PAPSS1: variants seen among roughly 807,000 people sequenced by gnomAD.
PAPSS1 encodes bifunctional 3'-phosphoadenosine 5'-phosphosulfate synthase 1.
Under a neutral mutation model 72.0 loss-of-function variants are expected in PAPSS1, and 50 were observed. The ratio of observed to expected loss-of-function variants is 0.69; its 90% CI spans 0.55 to 0.88. The LOEUF (loss-of-function observed/expected upper bound fraction) is 0.88. Among genes scored for constraint, PAPSS1 ranks in the 40% least tolerant of loss-of-function variants. The pLI is 0.00. For synonymous variants in PAPSS1, 261 were observed against 263.6 expected (o/e 0.99, Z 0.09); for missense variants, 657 against 782.2 (o/e 0.84, Z 1.91).
intron 5 of PAPSS1, among the ~76,000 whole-genome samples, chr4:107,662,234 G>A (rs1165394124): frequency 6.6e-6 from 1 of 152,170 alleles, no homozygotes. Flanking sequence ...TGTCCCTCTA[G>A]GGTCTCACTG....
intron 5 of PAPSS1, among the ~76,000 whole-genome samples, chr4:107,675,772 G>A (rs1462164759): frequency 6.6e-6 from 1 of 152,168 alleles, no homozygotes; most frequent in Non-Finnish European, 1.5e-5. Context: ...GAACATCGAT[G>A]CAAAAATCCT....
At chr4:107,622,279 C>T (rs1218853097) in intron 11 of PAPSS1, among the ~76,000 whole-genome samples, 3 of 152,200 alleles carry the variant, frequency 2.0e-5, no homozygotes, top group Admixed American at 6.5e-5. Context: ...ACTGCTCTGT[C>T]TTCAATTGCT....
At chr4:107,631,906 G>A in intron 10 of PAPSS1, 46 bp from the exon 11 acceptor site, 2 of 1,237,038 alleles carry the variant, frequency 1.6e-6, no homozygotes, top group East Asian at 4.8e-5. Context: ...TTATGACTAT[G>A]TACTTAGAAA....
At chr4:107,708,378 T>C in intron 1 of PAPSS1, among the ~76,000 whole-genome samples, 1 of 152,214 alleles carries the variant, frequency 6.6e-6, no homozygotes, top group East Asian at 1.9e-4. Context: ...CTAAAGTCTC[T>C]GCTAAAAGGG....
At chr4:107,647,386 T>C (rs1365588343) in intron 9 of PAPSS1, among the ~76,000 whole-genome samples, 2 of 152,136 alleles carry the variant, frequency 1.3e-5, no homozygotes, top group Non-Finnish European at 2.9e-5. Flanking sequence ...ATTGAACCAA[T>C]TCCTTCCTGT....
At chr4:107,701,512 G>A (rs1578432568) in intron 1 of PAPSS1, among the ~76,000 whole-genome samples, 1 of 151,964 alleles carries the variant, frequency 6.6e-6, no homozygotes, top group Non-Finnish European at 1.5e-5. Context: ...TTACTACTAA[G>A]GTTTTACAGA....
intron 2 of PAPSS1, among the ~76,000 whole-genome samples, 178 bp downstream of exon 2, chr4:107,700,993 C>T (rs902354085): frequency 7.0e-6 from 1 of 142,236 alleles, no homozygotes; most frequent in Non-Finnish European, 1.6e-5. Flanking sequence ...AACAGCAATC[C>T]TATAAAAGAA....
At chr4:107,663,895 TTTTTC>T (rs1418251426) in intron 5 of PAPSS1, among the ~76,000 whole-genome samples, 17 of 152,206 alleles carry the variant, frequency 1.1e-4, no homozygotes, top group African/African-American at 3.4e-4. Context: ...GTCACACAAA[TTTTTC>T]TTATTTTCAT....
intron 4 of PAPSS1, among the ~76,000 whole-genome samples, chr4:107,686,472 T>C (rs1722790035): frequency 6.6e-6 from 1 of 152,234 alleles, no homozygotes. Flanking sequence ...CTGGAATATA[T>C]GCAATTCACG....
intron 5 of PAPSS1, among the ~76,000 whole-genome samples, chr4:107,662,286 G>A (rs992629470): frequency 4.6e-5 from 7 of 152,110 alleles, no homozygotes; most frequent in South Asian, 4.1e-4. Flanking sequence ...GCACAAACCC[G>A]GCACAGCATT....
At chr4:107,625,230 A>C (rs1726059905) in intron 11 of PAPSS1, among the ~76,000 whole-genome samples, 1 of 152,206 alleles carries the variant, frequency 6.6e-6, no homozygotes, top group African/African-American at 2.4e-5. Flanking sequence ...CTTTGTCCCC[A>C]GTGTTATTAC....
chr4:107,672,032 C>A (rs571622214), intron 5 of PAPSS1, among the ~76,000 whole-genome samples: 1 of 151,888 alleles, frequency 6.6e-6, no homozygotes, highest in African/African-American at 2.4e-5. Context: ...ACAATCAAAA[C>A]GAAAAGGAAA....
At chr4:107,712,959 A>G (rs1184617688) in intron 1 of PAPSS1, among the ~76,000 whole-genome samples, 1 of 151,800 alleles carries the variant, frequency 6.6e-6, no homozygotes, top group Non-Finnish European at 1.5e-5. Flanking sequence ...ATTAAAAAAA[A>G]AAATACAAAA....
intron 5 of PAPSS1, among the ~76,000 whole-genome samples, chr4:107,673,152 A>AC (rs1339219460): frequency 3.5e-4 from 54 of 152,256 alleles, no homozygotes; most frequent in Non-Finnish European, 5.1e-4. Context: ...AAATCAGAGC[A>AC]CCTCTCCTCC....
intron 1 of PAPSS1, among the ~76,000 whole-genome samples, chr4:107,716,667 T>C (rs1723646721): frequency 6.7e-6 from 1 of 149,116 alleles, no homozygotes; most frequent in African/African-American, 2.4e-5. Flanking sequence ...TGGAGAAAGA[T>C]TCAATTGGAT....
At chr4:107,704,479 G>C (rs892737825) in intron 1 of PAPSS1, among the ~76,000 whole-genome samples, 4 of 152,208 alleles carry the variant, frequency 2.6e-5, no homozygotes, top group Non-Finnish European at 2.9e-5. Flanking sequence ...GATGTCAGTT[G>C]TGGGCTTGAA....
At chr4:107,660,641 G>A (rs1020458190) in intron 5 of PAPSS1, among the ~76,000 whole-genome samples, 14 of 152,048 alleles carry the variant, frequency 9.2e-5, no homozygotes, top group Admixed American at 6.6e-4. Flanking sequence ...ACACTGGGAT[G>A]GTGTTTTTCC....
rs144436229 is a variant in PAPSS1 at position 107,644,964 on chromosome 4, G to T, written c.1344C>A (p.Val448=). 22 of 1,613,800 alleles carry T rather than the reference G, an allele frequency of 1.4e-5. No homozygotes were observed. The African/African-American group carries it at 2.5e-4, about 19-fold the overall frequency. ...QLLERGYRRP[V]LLLHPLGGWT... ...AGCCACCCAGAGGGTGGAGGAGGAG[G>T]ACAGGGCGCCGGTAGCCCCTCTCTA... is the stretch of plus-strand genomic sequence containing the variant. The change falls in exon 10 of 12, where the codon GTC becomes GTA. Residue 448 remains valine, a synonymous_variant. Coordinates refer to ENST00000265174, the MANE Select transcript of PAPSS1 (RefSeq NM_005443.5).
chr4:107,651,118 G>A (rs1726829420), intron 9 of PAPSS1, among the ~76,000 whole-genome samples: 1 of 152,192 alleles, frequency 6.6e-6, no homozygotes, highest in African/African-American at 2.4e-5. Context: ...AGAAGTTTCT[G>A]TATCAGTAAT....
Sources: allele counts gnomAD v4.1 joint callset (sites outside exome capture counted in the v4.1 genomes callset), GRCh38; gene constraint gnomAD v4.1.1; transcripts MANE v1.5; gene names NCBI Gene and HGNC (gene_info 2026-07-23, HGNC 2026-07-21).